FHL2: variants seen among roughly 807,000 people sequenced by gnomAD.
FHL2 encodes four and a half LIM domains 2.
FHL2 carries 20 observed loss-of-function variants against 32.7 expected under a neutral mutation model. The ratio of observed to expected loss-of-function variants is 0.61; its 90% CI spans 0.43 to 0.89. The LOEUF (loss-of-function observed/expected upper bound fraction) is 0.89. Among genes scored for constraint, FHL2 ranks in the 40% least tolerant of loss-of-function variants. The pLI is 0.00. For missense variants in FHL2, 311 were observed against 358.6 expected (o/e 0.87, Z 1.07); for synonymous variants, 123 against 128.1 (o/e 0.96, Z 0.27).
chr2:105,433,382 G>C (rs34119400), intron 1 of FHL2, among the ~76,000 whole-genome samples: 1 of 151,872 alleles, frequency 6.6e-6, no homozygotes, highest in Non-Finnish European at 1.5e-5. Flanking sequence ...GGGTTTCCCC[G>C]TGCTGGCCAG....
intron 3 of FHL2, chr2:105,376,126 G>T (rs1194838192): frequency 6.6e-6 from 1 of 152,154 alleles, no homozygotes; most frequent in Non-Finnish European, 1.5e-5. Context: ...CCCCATCTGT[G>T]AGCTCCAGGC....
intron 1 of FHL2, 24 bp from the exon 2 acceptor site, chr2:105,396,721 T>C (rs757874301): frequency 6.8e-6 from 11 of 1,610,844 alleles, no homozygotes; most frequent in Admixed American, 1.7e-5. Context: ...ACGTGTTTTG[T>C]TTCAGATGGT....
At chr2:105,360,369 T>A (rs1460331019), downstream of FHL2, 4 of 151,880 alleles carry the variant, frequency 2.6e-5, no homozygotes, top group Non-Finnish European at 5.9e-5. Flanking sequence ...TGAAGGCTTT[T>A]TTTTTTTGAG....
At chr2:105,370,488 TAGGGGCGCGAG>T (rs1680975767) in intron 4 of FHL2, among the ~76,000 whole-genome samples, 1 of 151,986 alleles carries the variant, frequency 6.6e-6, no homozygotes, top group Non-Finnish European at 1.5e-5. Context: ...CGTCTGCTAA[TAGGGGCGCGAG>T]AGCCGGTAAA....
At chr2:105,359,734 G>T, downstream of FHL2, 1 of 152,228 alleles carries the variant, frequency 6.6e-6, no homozygotes, top group Non-Finnish European at 1.5e-5. Flanking sequence ...CTGCTTTACT[G>T]CCCTTTTCAG....
chr2:105,412,974 C>T (rs1281380241), intron 1 of FHL2, among the ~76,000 whole-genome samples: 1 of 152,140 alleles, frequency 6.6e-6, no homozygotes, highest in East Asian at 1.9e-4. Flanking sequence ...GAAGAAATTC[C>T]ACGTAGCTCA....
chr2:105,430,416 C>T (rs1331632428), intron 1 of FHL2, among the ~76,000 whole-genome samples: 3 of 152,184 alleles, frequency 2.0e-5, no homozygotes, highest in Non-Finnish European at 4.4e-5. Flanking sequence ...CCTGTAATCC[C>T]AGCACTTCGG....
chr2:105,381,563 T>C (rs1681888164), intron 3 of FHL2, among the ~76,000 whole-genome samples: 2 of 152,276 alleles, frequency 1.3e-5, no homozygotes, highest in South Asian at 2.1e-4. Context: ...GGCTGAACTT[T>C]TGGTTTTATG....
At chr2:105,372,752 G>A (rs1163201154) in intron 4 of FHL2, among the ~76,000 whole-genome samples, 1 of 151,772 alleles carries the variant, frequency 6.6e-6, no homozygotes, top group Non-Finnish European at 1.5e-5. Flanking sequence ...TTGCACCACT[G>A]AACCACATTG....
chr2:105,376,352 G>A (rs1681472404), intron 3 of FHL2: 1 of 152,162 alleles, frequency 6.6e-6, no homozygotes, highest in Non-Finnish European at 1.5e-5. Context: ...ATGTGTGTGT[G>A]TGTTCATTTA....
chr2:105,416,768 G>A (rs1683948864), intron 1 of FHL2, among the ~76,000 whole-genome samples: 1 of 152,166 alleles, frequency 6.6e-6, no homozygotes, highest in East Asian at 1.9e-4. Flanking sequence ...TACACACTGG[G>A]AAGCTGCCAC....
chr2:105,370,131 T>G (rs527720552), intron 4 of FHL2, among the ~76,000 whole-genome samples: 1 of 152,194 alleles, frequency 6.6e-6, no homozygotes, highest in East Asian at 1.9e-4. Flanking sequence ...CCCAGCACTT[T>G]GGGAGGCTAA....
At chr2:105,388,395 G>A (rs1467592696) in intron 2 of FHL2, among the ~76,000 whole-genome samples, 1 of 152,144 alleles carries the variant, frequency 6.6e-6, no homozygotes, top group Non-Finnish European at 1.5e-5. Flanking sequence ...AATGATCCTG[G>A]AGAGAAAAAG....
rs72836937 is a variant in FHL2 at position 105,428,918 on chromosome 2, A to G, written c.-25+9481T>C. ...GGCTTTCATTTTTACTTTGTAACCT[A>G]CTTTTATCAAACGTCTGTGGTTGCT... On this transcript the variant is annotated intron_variant, in intron 1 of 5. Transcript: ENST00000393352. 8.6e-3 allele frequency among the ~76,000 whole-genome samples: 1,304 copies of G among 152,290 alleles called. 16 individuals carry two copies. Among genetic ancestry groups the G allele is most frequent in the South Asian group, 0.046 (221 of 4,822 alleles).
chr2:105,433,499 T>C (rs1404960001), intron 1 of FHL2, among the ~76,000 whole-genome samples: 1 of 152,098 alleles, frequency 6.6e-6, no homozygotes, highest in African/African-American at 2.4e-5. Context: ...TAAGATGAGG[T>C]CCTTTCTCCG....
intron 4 of FHL2, 57 bp downstream of exon 4, chr2:105,373,502 C>T (rs749896237): frequency 1.3e-4 from 211 of 1,592,540 alleles, no homozygotes; most frequent in Non-Finnish European, 1.7e-4. Context: ...GTCAGAGGAA[C>T]GTGCACAAGG....
At chr2:105,391,447 G>A (rs541402462) in intron 2 of FHL2, among the ~76,000 whole-genome samples, 1 of 151,846 alleles carries the variant, frequency 6.6e-6, no homozygotes, top group Non-Finnish European at 1.5e-5. Context: ...GATATGGCAG[G>A]TCAGGTCAAG....
At chr2:105,366,101 T>C (rs1680613670) in intron 5 of FHL2, among the ~76,000 whole-genome samples, 1 of 151,034 alleles carries the variant, frequency 6.6e-6, no homozygotes, top group Non-Finnish European at 1.5e-5. Flanking sequence ...CTCAGCTACT[T>C]GGGAGGCTGA....
intron 1 of FHL2, among the ~76,000 whole-genome samples, chr2:105,413,211 C>T (rs11892727): frequency 1.3e-5 from 2 of 152,214 alleles, no homozygotes; most frequent in South Asian, 4.2e-4. Flanking sequence ...ACAAGAAATA[C>T]AATAGTCAAA....
Sources: gnomAD v4.1 joint callset for allele counts (sites outside exome capture counted in the v4.1 genomes callset) on GRCh38, gnomAD v4.1.1 for gene constraint, MANE v1.5 for transcripts, NCBI Gene and HGNC (gene_info 2026-07-23, HGNC 2026-07-21) for gene names.